ATP10B: variants seen among roughly 807,000 people sequenced by gnomAD.
ATP10B encodes the protein phospholipid-transporting ATPase VB.
Under a neutral mutation model 141.2 loss-of-function variants are expected in ATP10B, and 122 were observed. That is an observed-to-expected ratio of 0.86 (90% CI 0.75 to 1.00). The LOEUF (loss-of-function observed/expected upper bound fraction) is 1.00. Ranked by LOEUF, ATP10B falls within the 50% of genes least tolerant of loss-of-function variation. The pLI, the probability that ATP10B is intolerant of heterozygous loss-of-function variation, is 0.00. For synonymous variants in ATP10B, 685 were observed against 692.0 expected (o/e 0.99, Z 0.16); for missense variants, 1,876 against 1,825.3 (o/e 1.03, Z -0.51).
At chr5:160,652,880 TATATATA>T (rs1760900484) in intron 7 of ATP10B, among the ~76,000 whole-genome samples, 4 of 85,858 alleles carry the variant, frequency 4.7e-5, no homozygotes, top group Non-Finnish European at 7.9e-5. Context: ...ATATATAATA[TATATATA>T]ATTATATAAT....
intron 1 of ATP10B, among the ~76,000 whole-genome samples, chr5:160,841,865 C>T (rs1775828181): frequency 6.6e-6 from 1 of 152,160 alleles, no homozygotes; most frequent in South Asian, 2.1e-4. Flanking sequence ...GCTGGGATTA[C>T]AGGTGCGTGC....
the ATP10B span, among the ~76,000 whole-genome samples, chr5:160,895,164 A>T: frequency 6.6e-6 from 1 of 152,234 alleles, no homozygotes; most frequent in Non-Finnish European, 1.5e-5. Flanking sequence ...TAAAATAAGC[A>T]GCTAGCATCA....
At chr5:160,845,675 G>A (rs559509823) in intron 1 of ATP10B, among the ~76,000 whole-genome samples, 5 of 152,224 alleles carry the variant, frequency 3.3e-5, no homozygotes, top group African/African-American at 1.2e-4. Context: ...TGATACCCAA[G>A]CCAAATTAAA....
chr5:160,702,403 CA>C (rs1171217435), intron 3 of ATP10B, among the ~76,000 whole-genome samples: 2 of 151,882 alleles, frequency 1.3e-5, no homozygotes, highest in African/African-American at 4.8e-5. Flanking sequence ...GGGAGTATAA[CA>C]AAAAACATTT....
intron 25 of ATP10B, among the ~76,000 whole-genome samples, chr5:160,566,507 G>A (rs985994330): frequency 6.6e-6 from 1 of 152,148 alleles, no homozygotes; most frequent in Non-Finnish European, 1.5e-5. Flanking sequence ...AAGAAATAGG[G>A]GCCCCAAGAG....
the ATP10B span, among the ~76,000 whole-genome samples, chr5:160,905,462 C>A: frequency 1.3e-5 from 2 of 152,148 alleles, no homozygotes; most frequent in African/African-American, 4.8e-5. Flanking sequence ...CATAGAGCTG[C>A]TGAGAAAATT....
chr5:160,678,096 C>A (rs888701503), intron 6 of ATP10B, among the ~76,000 whole-genome samples: 4 of 152,154 alleles, frequency 2.6e-5, no homozygotes, highest in Non-Finnish European at 4.4e-5. Context: ...GAGGGCTAAC[C>A]TCTAGACAGT....
At chr5:160,835,016 G>C (rs1581627151) in intron 1 of ATP10B, among the ~76,000 whole-genome samples, 1 of 152,042 alleles carries the variant, frequency 6.6e-6, no homozygotes, top group Non-Finnish European at 1.5e-5. Context: ...GGTTTTTCTG[G>C]AAAAGTAGTG....
chr5:160,824,963 C>CT (rs34872515), intron 1 of ATP10B, among the ~76,000 whole-genome samples: 106,236 of 151,756 alleles, frequency 0.7, 38,666 homozygotes, highest in East Asian at 0.8. Flanking sequence ...TCCTTAAACT[C>CT]TTTTTTTTAA....
At chr5:160,756,606 T>A (rs1238967762) in intron 2 of ATP10B, among the ~76,000 whole-genome samples, 1 of 152,174 alleles carries the variant, frequency 6.6e-6, no homozygotes, top group Non-Finnish European at 1.5e-5. Flanking sequence ...CAATTTTCAT[T>A]TCCTTATAGA....
chr5:160,626,732 C>T (rs979031514), intron 13 of ATP10B, among the ~76,000 whole-genome samples: 5 of 152,164 alleles, frequency 3.3e-5, no homozygotes, highest in African/African-American at 9.7e-5. Context: ...GCTGCTGCTC[C>T]GAGGACCACA....
the ATP10B span, among the ~76,000 whole-genome samples, chr5:160,917,011 G>A: frequency 1.3e-5 from 2 of 152,168 alleles, no homozygotes; most frequent in Admixed American, 1.3e-4. Context: ...TGTGTGCAAA[G>A]GTGTGTTAAG....
chr5:160,671,819 A>G (rs911673850), intron 6 of ATP10B, among the ~76,000 whole-genome samples: 1 of 152,042 alleles, frequency 6.6e-6, no homozygotes, highest in African/African-American at 2.4e-5. Flanking sequence ...AAATTTTTCA[A>G]AGTCTCACAA....
chr5:160,919,263 A>G, the ATP10B span, among the ~76,000 whole-genome samples: 27 of 142,808 alleles, frequency 1.9e-4, no homozygotes, highest in Admixed American at 1.6e-3. Context: ...GTGGAAGATC[A>G]GGCAGGAAAC....
At chr5:160,766,379 C>G (rs1456631080) in intron 2 of ATP10B, among the ~76,000 whole-genome samples, 2 of 144,328 alleles carry the variant, frequency 1.4e-5, no homozygotes, top group African/African-American at 5.1e-5. Context: ...CACACACACA[C>G]ACACAGACAC....
At position 160,693,572 on chromosome 5, in the gene ATP10B, C is replaced by T. The variant is rs535819389; in HGVS notation, c.-204-4629G>A. On this transcript the variant is annotated intron_variant, in intron 3 of 25. Coordinates refer to ENST00000327245, the MANE Select transcript of ATP10B (RefSeq NM_025153.3). ...GGGAAGAGTGCTCCAGGTAGAAGAA[C>T]GAGTTCCAGAAACGGGAAGAAGTTC... is the stretch of plus-strand genomic sequence containing the variant. Among the ~76,000 whole-genome samples, 115 of 152,084 alleles carry T rather than the reference C, an allele frequency of 7.6e-4. 1 individual carries two copies. The highest frequency in any genetic ancestry group is 3.4e-3 in the Middle Eastern group (1 of 294).
intron 9 of ATP10B, among the ~76,000 whole-genome samples, chr5:160,642,202 T>C (rs1421996131): frequency 6.6e-6 from 1 of 152,238 alleles, no homozygotes; most frequent in African/African-American, 2.4e-5. Flanking sequence ...TGATCCTCTT[T>C]GTACTTCAAT....
intron 13 of ATP10B, among the ~76,000 whole-genome samples, chr5:160,623,397 T>C (rs1379338341): frequency 1.3e-5 from 2 of 152,174 alleles, no homozygotes; most frequent in African/African-American, 4.8e-5. Context: ...GTGGGAGCTA[T>C]GAGACCTAGC....
intron 13 of ATP10B, 63 bp from the exon 14 acceptor site, chr5:160,622,648 T>C: frequency 1.4e-6 from 2 of 1,434,858 alleles, no homozygotes; most frequent in South Asian, 2.5e-5. Context: ...AGAAGAATCT[T>C]CACATGCCTG....
Sources: allele counts gnomAD v4.1 joint callset (sites outside exome capture counted in the v4.1 genomes callset), GRCh38; gene constraint gnomAD v4.1.1; transcripts MANE v1.5; gene names NCBI Gene and HGNC (gene_info 2026-07-23, HGNC 2026-07-21).